The following HERC3 variants were observed in gnomAD, a reference collection of about 807,000 sequenced individuals.
HERC3 encodes the protein HECT and RLD domain containing E3 ubiquitin protein ligase 3, also known as probable E3 ubiquitin-protein ligase HERC3.
Under a neutral mutation model 129.9 loss-of-function variants are expected in HERC3, and 58 were observed. That is an observed-to-expected ratio of 0.45 (90% CI 0.36 to 0.56). The LOEUF (loss-of-function observed/expected upper bound fraction) is 0.56, where lower values mean the gene tolerates loss of function less well. Ranked by LOEUF, HERC3 falls within the 20% of genes least tolerant of loss-of-function variation. The pLI is 0.00. For synonymous variants in HERC3, 430 were observed against 451.0 expected (o/e 0.95, Z 0.59); for missense variants, 835 against 1,244.2 (o/e 0.67, Z 4.95).
chr4:88,641,487 G>C (rs923323687), intron 3 of HERC3, among the ~76,000 whole-genome samples: 1 of 152,078 alleles, frequency 6.6e-6, no homozygotes, highest in East Asian at 1.9e-4. Context: ...GAAGATAGAA[G>C]AACAATAGAG....
the HERC3 span, among the ~76,000 whole-genome samples, chr4:88,564,782 T>G: frequency 6.6e-6 from 1 of 152,128 alleles, no homozygotes; most frequent in African/African-American, 2.4e-5. Context: ...AAGTTTGGGT[T>G]GCTCTTTTCT....
the HERC3 span, chr4:88,527,714 TG>T: frequency 3.3e-6 from 1 of 298,748 alleles, no homozygotes; most frequent in Non-Finnish European, 6.6e-6. Flanking sequence ...GTTGCCTTCC[TG>T]GGCTGCATAG....
At chr4:88,603,458 C>T (rs1277748958) in intron 2 of HERC3, among the ~76,000 whole-genome samples, 1 of 152,118 alleles carries the variant, frequency 6.6e-6, no homozygotes, top group Admixed American at 6.5e-5. Context: ...CCATCTGCCT[C>T]AGCCTCCCAA....
chr4:88,586,619 A>G, the HERC3 span, among the ~76,000 whole-genome samples: 1 of 152,150 alleles, frequency 6.6e-6, no homozygotes, highest in African/African-American at 2.4e-5. Flanking sequence ...TCCGCCTCCC[A>G]AAGTGCTGGG....
At chr4:88,672,671 C>G (rs1731739840) in intron 16 of HERC3, among the ~76,000 whole-genome samples, 2 of 152,184 alleles carry the variant, frequency 1.3e-5, no homozygotes, top group African/African-American at 4.8e-5. Context: ...TTACTCTGGT[C>G]TAATGGCCAT....
chr4:88,569,048 C>CA, the HERC3 span, among the ~76,000 whole-genome samples: 8 of 152,262 alleles, frequency 5.3e-5, no homozygotes, highest in Admixed American at 3.3e-4. Context: ...CCAGGAATTA[C>CA]AATCCTTGTG....
At chr4:88,691,293 T>C (rs1020593) in intron 23 of HERC3, among the ~76,000 whole-genome samples, 45,776 of 152,158 alleles carry the variant, frequency 0.3, 7,655 homozygotes, top group East Asian at 0.54. Flanking sequence ...CACTGATGTA[T>C]ATGTCTGTGT....
chr4:88,590,286 C>A (rs1020634981), upstream of HERC3, among the ~76,000 whole-genome samples: 22 of 150,996 alleles, frequency 1.5e-4, no homozygotes, highest in African/African-American at 5.4e-4. Flanking sequence ...AAACTCCGGG[C>A]GCGGTGGCTC....
At chr4:88,525,291 T>C in the HERC3 span, among the ~76,000 whole-genome samples, 1 of 152,158 alleles carries the variant, frequency 6.6e-6, no homozygotes, top group Non-Finnish European at 1.5e-5. Context: ...TACTGTAAAG[T>C]TCCTATGTCA....
chr4:88,693,140 C>A (rs1340027643), intron 23 of HERC3: 1 of 985,096 alleles, frequency 1.0e-6, no homozygotes, highest in Non-Finnish European at 1.2e-6. Context: ...TTTTCTGTTT[C>A]TTCACTGTTG....
chr4:88,676,664 C>T (rs562546080), intron 18 of HERC3, among the ~76,000 whole-genome samples: 8 of 152,218 alleles, frequency 5.3e-5, no homozygotes, highest in South Asian at 2.1e-4. Context: ...CTTTGGGAAC[C>T]GTATGGTCTC....
chr4:88,642,130 CA>C (rs200464130), intron 3 of HERC3, among the ~76,000 whole-genome samples: 200 of 77,056 alleles, frequency 2.6e-3, no homozygotes, highest in Middle Eastern at 6.8e-3. Context: ...GACTCTGTCT[CA>C]AAAAAAAAAA....
intron 2 of HERC3, among the ~76,000 whole-genome samples, chr4:88,605,537 A>G (rs1723532251): frequency 6.6e-6 from 1 of 152,226 alleles, no homozygotes; most frequent in Non-Finnish European, 1.5e-5. Context: ...TCTGAAAACC[A>G]TATTCTGTCT....
intron 3 of HERC3, among the ~76,000 whole-genome samples, chr4:88,632,605 A>C (rs1726897885): frequency 6.6e-6 from 1 of 152,260 alleles, no homozygotes; most frequent in Admixed American, 6.5e-5. Flanking sequence ...GGAACCAAAT[A>C]CCATAACTAA....
the HERC3 span, among the ~76,000 whole-genome samples, chr4:88,548,195 T>G: frequency 6.6e-6 from 1 of 152,250 alleles, no homozygotes; most frequent in South Asian, 2.1e-4. Context: ...ATGTACATTT[T>G]TATTGCACTT....
At chr4:88,622,302 A>T (rs568972251) in intron 3 of HERC3, among the ~76,000 whole-genome samples, 3 of 152,358 alleles carry the variant, frequency 2.0e-5, no homozygotes, top group African/African-American at 7.2e-5. Context: ...ATGTTGTAGC[A>T]TGTATCAGTA....
At position 88,622,821 on chromosome 4, in the gene HERC3, C is replaced by T. The variant is rs138631536; in HGVS notation, c.226+16772C>T. 2.6e-3 allele frequency among the ~76,000 whole-genome samples: 397 copies of T among 151,918 alleles called. 1 individual carries two copies. Among genetic ancestry groups the T allele is most frequent in the African/African-American group, 8.5e-3 (350 of 41,418 alleles). ...GTGTGTGTCTGTAATCCCAGCTACT[C>T]GGGAGGCTGAGGCAGGAGAATTGCT... On this transcript the variant is annotated intron_variant, in intron 3 of 25. Transcript: ENST00000402738.
In HERC3 at chr4:88,652,996, C is replaced by T. The variant is rs375133122; in HGVS notation, c.591C>T (p.Ala197=). 18 of 1,614,138 alleles carry T rather than the reference C, an allele frequency of 1.1e-5. No individual in the cohort carries two copies. Among genetic ancestry groups the T allele is most frequent in the Admixed American group, 3.3e-5 (2 of 60,020 alleles). The change falls in exon 6 of 26, where the codon GCC becomes GCT. Residue 197 remains alanine (A), a synonymous_variant. Transcript: ENST00000402738. The stretch of plus-strand genomic sequence containing the variant: ...GGATCCCACTGGCTCAGGTGGCTGC[C>T]GGAGGGGCTCACAGCTTTGCCCTGT... ...LEGIPLAQVA[A]GGAHSFALSL... is the part of the protein sequence containing the mutation.
At chr4:88,606,186 T>C (rs1267447144) in intron 3 of HERC3, 137 bp downstream of exon 3, 1 of 603,044 alleles carries the variant, frequency 1.7e-6, no homozygotes, top group African/African-American at 1.8e-5. Context: ...CAGGGATTCC[T>C]TCCTGTTTGG....
Sources: allele counts gnomAD v4.1 joint callset (sites outside exome capture counted in the v4.1 genomes callset), GRCh38; gene constraint gnomAD v4.1.1; transcripts MANE v1.5; gene names NCBI Gene and HGNC (gene_info 2026-07-23, HGNC 2026-07-21).